The following LOXHD1 variants were observed in gnomAD, a reference collection of about 807,000 sequenced individuals.
The protein encoded by LOXHD1 is lipoxygenase homology PLAT domains 1.
A neutral mutation model predicts 248.2 loss-of-function variants in LOXHD1; 205 were observed. The observed-to-expected ratio is 0.83, with a 90% CI of 0.74 to 0.93. The LOEUF (loss-of-function observed/expected upper bound fraction) is 0.93, where lower values mean the gene tolerates loss of function less well. Among genes scored for constraint, LOXHD1 ranks in the 40% least tolerant of loss-of-function variants. The pLI is 0.00. For missense variants in LOXHD1, 2,930 were observed against 2,971.6 expected (o/e 0.99, Z 0.33); for synonymous variants, 1,113 against 1,162.8 (o/e 0.96, Z 0.87).
At chr18:46,597,187 A>G (rs1179838488) in intron 8 of LOXHD1, among the ~76,000 whole-genome samples, 4 of 152,200 alleles carry the variant, frequency 2.6e-5, no homozygotes, top group Admixed American at 6.5e-5. Context: ...ACTTGCCAAA[A>G]AAGAGTAAAG....
chr18:46,505,825 G>A lies in LOXHD1; in HGVS notation c.5878+13C>T, dbSNP rs1279350540. On this transcript the variant is annotated intron_variant, in intron 37 of 40. Transcript: ENST00000642948. ...GCTGCCCTCCCACCAACCTGGCCTT[G>A]AGTGGGAGCTACCTTTGTTGTCGTG... 2 of 1,551,570 alleles carry A rather than the reference G, an allele frequency of 1.3e-6. No homozygotes were observed. The highest frequency in any genetic ancestry group is 8.7e-7 in the Non-Finnish European group (1 of 1,146,932).
rs994373668 is a variant in LOXHD1, at chr18:46,604,154, C to A, written c.835G>T (p.Asp279Tyr). 6.4e-7 allele frequency: 1 copy of A among 1,551,622 alleles called. No homozygotes were observed. The highest frequency in any genetic ancestry group is 1.4e-5 in the African/African-American group (1 of 73,068). ...LNRWLALDED[D>Y]GKIQRDILVG... ...AAGATATCCCTTTGGATTTTGCCAT[C>A]GTCTTCGTCCAAGGCCAGCCAGCGG... Residue 279 changes from aspartate (D) to tyrosine (Y), a missense_variant, in exon 7 of 41, where the codon GAT becomes TAT. Asp to Tyr is a radical substitution (Grantham distance 160). Transcript: ENST00000642948.
intron 25 of LOXHD1, among the ~76,000 whole-genome samples, chr18:46,541,050 CCAAATT>C (rs1254697904): frequency 6.6e-6 from 1 of 152,132 alleles, no homozygotes; most frequent in African/African-American, 2.4e-5. Flanking sequence ...TCAGATTTTA[CCAAATT>C]CAGACAGACT....
intron 21 of LOXHD1, 110 bp from the exon 22 acceptor site, chr18:46,547,168 T>C: frequency 8.1e-7 from 1 of 1,229,818 alleles, no homozygotes. Context: ...AACTCTCCCC[T>C]GTCTGCCCCT....
At position 46,642,050 on chromosome 18, in the gene LOXHD1, G is replaced by T; in HGVS notation, c.246-14C>A. On this transcript the variant is annotated splice_polypyrimidine_tract_variant and intron_variant, in intron 2 of 40. Transcript: ENST00000642948. ...GCAGACTTGCTCCTGCAATGAACAC[G>T]TGCAGTTAGTGCAGATCAGCTGTTG... is the stretch of plus-strand genomic sequence containing the variant. 6.4e-7 allele frequency: 1 copy of T among 1,550,756 alleles called. No homozygotes were observed. Among genetic ancestry groups the T allele is most frequent in the Non-Finnish European group, 8.7e-7 (1 of 1,145,886 alleles).
chr18:46,576,177 G>A (rs2037850313), intron 14 of LOXHD1, among the ~76,000 whole-genome samples: 1 of 152,234 alleles, frequency 6.6e-6, no homozygotes, highest in Non-Finnish European at 1.5e-5. Context: ...AGGACAGGGA[G>A]TAAGTATATA....
At chr18:46,642,836 C>T (rs1568231179) in intron 2 of LOXHD1, among the ~76,000 whole-genome samples, 2 of 152,252 alleles carry the variant, frequency 1.3e-5, no homozygotes, top group Admixed American at 1.3e-4. Flanking sequence ...GCCATTTGAG[C>T]CCCGGCCTGC....
chr18:46,510,008 G>C (rs1251286807), intron 34 of LOXHD1, among the ~76,000 whole-genome samples, 193 bp from the exon 35 acceptor site: 1 of 152,186 alleles, frequency 6.6e-6, no homozygotes, highest in Non-Finnish European at 1.5e-5. Context: ...TGGGTTAAGT[G>C]AGTTTGGCTA....
chr18:46,596,055 A>G (rs1424248705), intron 8 of LOXHD1, among the ~76,000 whole-genome samples: 1 of 152,204 alleles, frequency 6.6e-6, no homozygotes, highest in Non-Finnish European at 1.5e-5. Context: ...TATTGTTACT[A>G]GAGCTTGTGG....
intron 2 of LOXHD1, among the ~76,000 whole-genome samples, chr18:46,644,825 G>A (rs552874870): frequency 1.1e-4 from 16 of 152,312 alleles, no homozygotes; most frequent in African/African-American, 3.8e-4. Context: ...ATCCACCATG[G>A]CATGGCGCTT....
At chr18:46,575,744 T>A (rs2037841164) in intron 14 of LOXHD1, among the ~76,000 whole-genome samples, 1 of 152,094 alleles carries the variant, frequency 6.6e-6, no homozygotes, top group African/African-American at 2.4e-5. Context: ...TATGTTTCTG[T>A]CATTTAAGCC....
At chr18:46,578,692 A>C (rs977763545) in intron 13 of LOXHD1, among the ~76,000 whole-genome samples, 1 of 152,016 alleles carries the variant, frequency 6.6e-6, no homozygotes, top group Non-Finnish European at 1.5e-5. Context: ...GAGATAGAGC[A>C]GTTGTCTGCA....
At chr18:46,501,268 G>C (rs1007492647) in intron 37 of LOXHD1, among the ~76,000 whole-genome samples, 2 of 152,204 alleles carry the variant, frequency 1.3e-5, no homozygotes, top group East Asian at 3.8e-4. Flanking sequence ...TGCCATGCAC[G>C]TTCTCAGATG....
chr18:46,609,033 T>C (rs1179213756), intron 6 of LOXHD1, among the ~76,000 whole-genome samples: 1 of 152,202 alleles, frequency 6.6e-6, no homozygotes, highest in Non-Finnish European at 1.5e-5. Context: ...AGCCAGAAGT[T>C]CCAAGGAGGG....
At chr18:46,629,647 G>A (rs1286121840) in intron 4 of LOXHD1, among the ~76,000 whole-genome samples, 1 of 151,894 alleles carries the variant, frequency 6.6e-6, no homozygotes, top group Admixed American at 6.6e-5. Context: ...TGCATGGCCT[G>A]GAATAAAACT....
At chr18:46,503,653 G>T (rs2034376866) in intron 37 of LOXHD1, among the ~76,000 whole-genome samples, 1 of 152,164 alleles carries the variant, frequency 6.6e-6, no homozygotes, top group African/African-American at 2.4e-5. Context: ...AAGAGGAGAG[G>T]TGCATTAAGG....
At chr18:46,559,669 G>C in intron 19 of LOXHD1, 67 bp from the exon 20 acceptor site, 1 of 1,500,042 alleles carries the variant, frequency 6.7e-7, no homozygotes, top group Non-Finnish European at 9.0e-7. Context: ...CTGAGGCACA[G>C]CCTCTCAGAT....
At chr18:46,619,553 A>G (rs948501224) in intron 4 of LOXHD1, among the ~76,000 whole-genome samples, 1 of 152,230 alleles carries the variant, frequency 6.6e-6, no homozygotes, top group African/African-American at 2.4e-5. Context: ...AGTGCTGGGC[A>G]TGTACATTAC....
chr18:46,651,422 G>A (rs764732009), intron 1 of LOXHD1, among the ~76,000 whole-genome samples: 1 of 152,086 alleles, frequency 6.6e-6, no homozygotes, highest in Non-Finnish European at 1.5e-5. Context: ...GACCTGACAT[G>A]TTGCCCACAC....
Sources: allele counts gnomAD v4.1 joint callset (sites outside exome capture counted in the v4.1 genomes callset), GRCh38; gene constraint gnomAD v4.1.1; transcripts MANE v1.5; gene names NCBI Gene and HGNC (gene_info 2026-07-23, HGNC 2026-07-21).